Variants in EPHB2 observed in about 807,000 individuals in gnomAD.
EPHB2 encodes the protein ephrin type-B receptor 2.
Under a neutral mutation model 96.4 loss-of-function variants are expected in EPHB2, and 18 were observed. The observed-to-expected ratio is 0.19, with a 90% confidence interval of 0.13 to 0.28. The LOEUF is 0.28. Ranked by LOEUF, EPHB2 falls within the 10% of genes least tolerant of loss-of-function variation. The pLI, the probability that EPHB2 is intolerant of heterozygous loss-of-function variation, is 1.00. For missense variants in EPHB2, 989 were observed against 1,355.4 expected (o/e 0.73, Z 4.25); for synonymous variants, 506 against 534.1 (o/e 0.95, Z 0.72).
intron 9 of EPHB2, among the ~76,000 whole-genome samples, chr1:22,900,453 A>AT (rs1279674283): frequency 3.9e-5 from 6 of 152,098 alleles, no homozygotes. Flanking sequence ...GATCCTTATA[A>AT]TTTCTCACTT....
In EPHB2 at chr1:22,909,177, T is replaced by C; in HGVS notation, c.2502+6T>C. On this transcript the variant is annotated splice_donor_region_variant and intron_variant, in intron 13 of 15. Coordinates refer to ENST00000374630, the MANE Select transcript of EPHB2 (RefSeq NM_017449.5). Reference sequence around the variant, plus strand: ...GGGACATGACCAACCAGGATGTAAGTCTCCAAGGGGATAGGCAAGGCCTCT... The same window carrying C: ...GGGACATGACCAACCAGGATGTAAGCCTCCAAGGGGATAGGCAAGGCCTCT... 3 of 1,614,054 alleles carry C rather than the reference T, an allele frequency of 1.9e-6. No individual in the cohort carries two copies. The highest frequency in any genetic ancestry group is 2.5e-6 in the Non-Finnish European group (3 of 1,179,976).
intron 12 of EPHB2, 40 bp downstream of exon 12, chr1:22,908,208 A>G: frequency 6.2e-7 from 1 of 1,610,612 alleles, no homozygotes; most frequent in Middle Eastern, 1.7e-4. Context: ...ACAGAGCCAG[A>G]GAAGAGGGCA....
At chr1:22,864,812 A>T in intron 4 of EPHB2, 65 bp from the exon 5 acceptor site, 1 of 1,058,538 alleles carries the variant, frequency 9.4e-7, no homozygotes, top group Non-Finnish European at 1.4e-6. Flanking sequence ...GCGGGCACAG[A>T]GTGGTCACAT....
chr1:22,789,717 G>A (rs958091147), intron 3 of EPHB2, among the ~76,000 whole-genome samples: 1 of 152,248 alleles, frequency 6.6e-6, no homozygotes, highest in Non-Finnish European at 1.5e-5. Context: ...TGGGTGGATA[G>A]GAGAAGACAG....
chr1:22,744,669 C>A, intron 1 of EPHB2, among the ~76,000 whole-genome samples: 1 of 52,644 alleles, frequency 1.9e-5, no homozygotes, highest in Non-Finnish European at 3.3e-5. Flanking sequence ...GAGACATTGT[C>A]TCAAAAAAAA....
intron 1 of EPHB2, among the ~76,000 whole-genome samples, chr1:22,763,468 C>A (rs923176419): frequency 6.6e-6 from 1 of 152,110 alleles, no homozygotes; most frequent in East Asian, 1.9e-4. Flanking sequence ...CTCTCCTGGA[C>A]AGGCACACGG....
chr1:22,805,374 G>C (rs1644909723), intron 3 of EPHB2, among the ~76,000 whole-genome samples: 1 of 152,176 alleles, frequency 6.6e-6, no homozygotes, highest in African/African-American at 2.4e-5. Context: ...TGCCAGCCCA[G>C]AGTGGGCTGA....
chr1:22,716,493 G>T (rs1319053770), intron 1 of EPHB2, among the ~76,000 whole-genome samples: 1 of 152,122 alleles, frequency 6.6e-6, no homozygotes, highest in Non-Finnish European at 1.5e-5. Flanking sequence ...CACTACACCC[G>T]GCTAATTTTT....
rs1640328126 is a variant in EPHB2, at chr1:22,918,715, G to A, written c.*5145G>A. 1 of 152,232 alleles carries A rather than the reference G, an allele frequency of 6.6e-6. No individual in the cohort carries two copies. Among genetic ancestry groups the A allele is most frequent in the African/African-American group, 2.4e-5 (1 of 41,454 alleles). 9.4% of individuals were successfully genotyped at this position (152,232 alleles called of 1,614,324 possible). On this transcript the variant is annotated 3_prime_UTR_variant, in exon 16 of 16. Transcript: ENST00000374630. This position sits in a 1 kb window ranked among gnomAD's most constrained non-coding sequence, Gnocchi z 4.2. ...CCAGTTTTTCCTTCAGAGAAACTAA[G>A]GTCAGAGTGTTGGCTGCAGAAAAGG...
At chr1:22,900,703 T>A (rs1335408644) in intron 9 of EPHB2, among the ~76,000 whole-genome samples, 1 of 152,190 alleles carries the variant, frequency 6.6e-6, no homozygotes, top group East Asian at 1.9e-4. Context: ...CCCCAGGGTT[T>A]GTTCCTAGAT....
chr1:22,840,054 A>C (rs994760917), intron 3 of EPHB2, among the ~76,000 whole-genome samples: 1 of 152,136 alleles, frequency 6.6e-6, no homozygotes, highest in African/African-American at 2.4e-5. Context: ...TACTCAGTAA[A>C]TCTTGGACGG....
intron 6 of EPHB2, among the ~76,000 whole-genome samples, chr1:22,889,047 A>G (rs1254359007): frequency 6.6e-6 from 1 of 152,018 alleles, no homozygotes. Context: ...CCTAGCTACT[A>G]GGGAGGCTGA....
In EPHB2 at chr1:22,790,347, G is replaced by A. The variant is rs1644673468; in HGVS notation, c.811+5271G>A. 6.6e-6 allele frequency among the ~76,000 whole-genome samples: 1 copy of A among 152,158 alleles called. No individual in the cohort carries two copies. The highest frequency in any genetic ancestry group is 6.5e-5 in the Admixed American group (1 of 15,284). On this transcript the variant is annotated intron_variant, in intron 3 of 15. Transcript: ENST00000374630. This position sits in a 1 kb window ranked among gnomAD's most constrained non-coding sequence, Gnocchi z 4.0. Reference sequence around the variant, plus strand: ...TCTACACTGGGCATACAGCTGCCAGGTGAGGATTCCTGGGACTTCCTTTAG... The same window carrying A: ...TCTACACTGGGCATACAGCTGCCAGATGAGGATTCCTGGGACTTCCTTTAG...
chr1:22,746,121 G>GC (rs1643971032), intron 1 of EPHB2, among the ~76,000 whole-genome samples: 1 of 152,194 alleles, frequency 6.6e-6, no homozygotes, highest in South Asian at 2.1e-4. Flanking sequence ...GGTGAGTGCA[G>GC]CCGTGGAAAG....
intron 1 of EPHB2, among the ~76,000 whole-genome samples, chr1:22,754,426 A>AACAGAGGCAGG (rs1553161254): frequency 6.6e-6 from 1 of 152,250 alleles, no homozygotes; most frequent in East Asian, 1.9e-4. Context: ...CTATAAATAC[A>AACAGAGGCAGG]ACAGAGGCAG....
chr1:22,794,475 C>T (rs950061891), intron 3 of EPHB2, among the ~76,000 whole-genome samples: 1 of 152,094 alleles, frequency 6.6e-6, no homozygotes, highest in African/African-American at 2.4e-5. Context: ...CCGGATGGGC[C>T]GTTCCTGCCC....
rs12409124 is a variant in EPHB2 at position 22,758,076 on chromosome 1, A to T, written c.62-23345A>T. Among the ~76,000 whole-genome samples the T allele has an allele frequency of 1.2e-4, 17 of 136,288 alleles. No individual in the cohort carries two copies. The Admixed American group carries it at 1.3e-3, about 10-fold the overall frequency. The allele number at this position is 136,288 out of a possible 152,430, so 89.4% of individuals were successfully genotyped here. ...TGGGACTACAGGCGCCCGCTACCAC[A>T]CCCGGCTAATTTTTTGTATTTTTAG... On this transcript the variant is annotated intron_variant, in intron 1 of 15. Coordinates refer to ENST00000374630, the MANE Select transcript of EPHB2 (RefSeq NM_017449.5).
intron 1 of EPHB2, among the ~76,000 whole-genome samples, chr1:22,740,888 G>A (rs1317662529): frequency 6.6e-6 from 1 of 152,112 alleles, no homozygotes; most frequent in Non-Finnish European, 1.5e-5. Flanking sequence ...ATAGGGAGCA[G>A]AACAGAACCT....
intron 3 of EPHB2, among the ~76,000 whole-genome samples, chr1:22,837,533 C>T (rs1263701147): frequency 6.6e-6 from 1 of 152,124 alleles, no homozygotes; most frequent in African/African-American, 2.4e-5. Context: ...TCACAGGAGA[C>T]CAAGTAACAT....
Sources: allele counts gnomAD v4.1 joint callset (sites outside exome capture counted in the v4.1 genomes callset), GRCh38; gene constraint gnomAD v4.1.1; non-coding constraint Gnocchi (gnomAD v3.1); transcripts MANE v1.5; gene names NCBI Gene and HGNC (gene_info 2026-07-23, HGNC 2026-07-21).